Variants in EPC1 observed in about 807,000 individuals in gnomAD.
The protein encoded by EPC1 is enhancer of polycomb homolog 1.
Under a neutral mutation model 98.4 loss-of-function variants are expected in EPC1, and 12 were observed. That is an observed-to-expected ratio of 0.12 (90% confidence interval 0.08 to 0.20). The LOEUF is 0.20. Ranked by LOEUF, EPC1 falls within the 10% of genes least tolerant of loss-of-function variation. The pLI is 1.00. For synonymous variants in EPC1, 357 were observed against 363.9 expected, an observed-to-expected ratio of 0.98 and a Z score of 0.21; for missense variants, 729 against 990.5, an observed-to-expected ratio of 0.74 and a Z score of 3.54.
chr10:32,362,996 C>T (rs897644185), intron 1 of EPC1, among the ~76,000 whole-genome samples: 31 of 152,320 alleles, frequency 2.0e-4, no homozygotes, highest in Admixed American at 9.1e-4. Context: ...TGTATTTCTG[C>T]TACACTTTTG....
intron 1 of EPC1, among the ~76,000 whole-genome samples, chr10:32,370,695 C>T (rs185254605): frequency 1.8e-3 from 268 of 152,162 alleles, no homozygotes; most frequent in Middle Eastern, 3.4e-3. Context: ...CTGTGCTGTC[C>T]GATATGGTAG....
chr10:32,361,303 G>A (rs1025232130), intron 1 of EPC1, among the ~76,000 whole-genome samples: 3 of 152,066 alleles, frequency 2.0e-5, no homozygotes, highest in Admixed American at 6.5e-5. Flanking sequence ...CCTCTGTAAC[G>A]CCTATGTGCA....
chr10:32,346,718 G>A (rs746442543), intron 1 of EPC1, 45 bp downstream of exon 1: 1 of 1,570,996 alleles, frequency 6.4e-7, no homozygotes. Context: ...AGGCAGCAGA[G>A]GGAGCGGGCC....
intron 9 of EPC1, 165 bp from the exon 10 acceptor site, chr10:32,285,215 C>T: frequency 2.0e-6 from 1 of 503,582 alleles, no homozygotes; most frequent in South Asian, 4.1e-5. Context: ...AGGCTACAAC[C>T]TCAATTTCTA....
intron 1 of EPC1, among the ~76,000 whole-genome samples, chr10:32,339,440 G>A (rs1381862967): frequency 6.6e-6 from 1 of 152,128 alleles, no homozygotes; most frequent in African/African-American, 2.4e-5. Context: ...AGCTACTCAG[G>A]AGGCTGAGGC....
chr10:32,323,909 G>C (rs982901652), intron 1 of EPC1, among the ~76,000 whole-genome samples: 5 of 151,994 alleles, frequency 3.3e-5, no homozygotes, highest in Admixed American at 2.6e-4. Flanking sequence ...ATAATTAATG[G>C]CCTAAATTGT....
chr10:32,270,336 C>A (rs1221877910), intron 13 of EPC1, among the ~76,000 whole-genome samples: 1 of 152,160 alleles, frequency 6.6e-6, no homozygotes, highest in Non-Finnish European at 1.5e-5. Flanking sequence ...CTGAAAACAC[C>A]TGTCTTTTTC....
At chr10:32,281,346 ACT>A (rs1184538350) in intron 10 of EPC1, among the ~76,000 whole-genome samples, 2 of 151,810 alleles carry the variant, frequency 1.3e-5, no homozygotes, top group Non-Finnish European at 2.9e-5. Context: ...GCCTGGCCTG[ACT>A]CTTCTGTTTT....
At chr10:32,309,036 G>GA (rs1236215949) in intron 1 of EPC1, among the ~76,000 whole-genome samples, 5 of 151,954 alleles carry the variant, frequency 3.3e-5, no homozygotes, top group Admixed American at 1.3e-4. Flanking sequence ...GCCAGGCACA[G>GA]AAAAAAAATT....
At chr10:32,345,067 A>C in intron 1 of EPC1, 1 of 840,736 alleles carries the variant, frequency 1.2e-6, no homozygotes, top group Non-Finnish European at 1.4e-6. Flanking sequence ...TGAAAGTATT[A>C]TCTGTAAAAC....
chr10:32,358,810 A>G (rs546073348), intron 1 of EPC1, among the ~76,000 whole-genome samples: 2 of 152,170 alleles, frequency 1.3e-5, no homozygotes, highest in Non-Finnish European at 2.9e-5. Flanking sequence ...GGATTTAAAT[A>G]TCAGTATTTC....
At chr10:32,282,676 C>T (rs1836469907) in intron 10 of EPC1, 1 of 152,126 alleles carries the variant, frequency 6.6e-6, no homozygotes, top group South Asian at 2.1e-4. Context: ...ATTTTTACAA[C>T]TGTTATTAAT....
chr10:32,270,535 T>A (rs1351905940), intron 13 of EPC1, among the ~76,000 whole-genome samples: 1 of 152,088 alleles, frequency 6.6e-6, no homozygotes, highest in African/African-American at 2.4e-5. Context: ...TTAATAAGAA[T>A]AGCTTAACGC....
At position 32,271,518 on chromosome 10, in the gene EPC1, T is replaced by C. The variant is rs761355967; in HGVS notation, c.2369+36A>G. 17 of 1,595,568 alleles carry C rather than the reference T, an allele frequency of 1.1e-5. No homozygotes were observed. The South Asian group carries it at 1.8e-4, about 17-fold the overall frequency. On this transcript the variant is annotated intron_variant, in intron 13 of 13. Transcript: ENST00000319778. ...TGCTGGAGGACTGAAGTTAGATCTCTTATTCCAGGTATGTTAGGCAAAAAT... is the reference window on the plus strand; with the variant it reads ...TGCTGGAGGACTGAAGTTAGATCTCCTATTCCAGGTATGTTAGGCAAAAAT...
chr10:32,300,140 T>C (rs1835410305), intron 2 of EPC1, among the ~76,000 whole-genome samples: 6 of 152,086 alleles, frequency 3.9e-5, no homozygotes, highest in Admixed American at 3.3e-4. Flanking sequence ...CTCGAGCTCC[T>C]GACCTTGTGA....
chr10:32,287,290 G>T lies in EPC1; in HGVS notation c.976-16C>A, dbSNP rs372013912. Reference sequence around the variant, plus strand: ...CTTTATCTTGCTGCAACAAAGACATGAATTAATTATACACCAGAAACCATG... The same window carrying T: ...CTTTATCTTGCTGCAACAAAGACATTAATTAATTATACACCAGAAACCATG... On this transcript the variant is annotated splice_polypyrimidine_tract_variant and intron_variant, in intron 6 of 13. Coordinates refer to ENST00000319778, the MANE Select transcript of EPC1 (RefSeq NM_001272004.3). 367 of 1,612,690 alleles carry T rather than the reference G, an allele frequency of 2.3e-4. No individual in the cohort carries two copies. Among genetic ancestry groups the T allele is most frequent in the Non-Finnish European group, 2.8e-4 (335 of 1,179,522 alleles).
intron 13 of EPC1, among the ~76,000 whole-genome samples, chr10:32,270,139 C>T (rs1427045328): frequency 6.6e-6 from 1 of 152,212 alleles, no homozygotes; most frequent in African/African-American, 2.4e-5. Flanking sequence ...CGAAGACTAA[C>T]ACAGATTGGA....
At chr10:32,348,796 C>T (rs555875790), upstream of EPC1, among the ~76,000 whole-genome samples, 1 of 152,150 alleles carries the variant, frequency 6.6e-6, no homozygotes, top group Non-Finnish European at 1.5e-5. Flanking sequence ...AACTGCCACA[C>T]GGCGAGCTAA....
At chr10:32,372,642 A>G (rs1330218797) in intron 1 of EPC1, among the ~76,000 whole-genome samples, 1 of 152,258 alleles carries the variant, frequency 6.6e-6, no homozygotes, top group South Asian at 2.1e-4. Context: ...CAGAAGGCCG[A>G]TTACTCATTC....
Sources: allele counts gnomAD v4.1 joint callset (sites outside exome capture counted in the v4.1 genomes callset), GRCh38; gene constraint gnomAD v4.1.1; transcripts MANE v1.5; gene names NCBI Gene and HGNC (gene_info 2026-07-23, HGNC 2026-07-21).